Variants in CDC42BPG observed in about 807,000 individuals in gnomAD.
CDC42BPG encodes the protein CDC42 binding protein kinase gamma.
Under a neutral mutation model 192.2 loss-of-function variants are expected in CDC42BPG, and 157 were observed. The observed-to-expected ratio is 0.82, with a 90% CI of 0.72 to 0.93. The LOEUF (loss-of-function observed/expected upper bound fraction) is 0.93, where lower values mean the gene tolerates loss of function less well. CDC42BPG is among the 40% of genes least tolerant of loss of function. The pLI is 0.00. For missense variants in CDC42BPG, 1,992 were observed against 2,122.1 expected (o/e 0.94, Z 1.20); for synonymous variants, 981 against 918.5 (o/e 1.07, Z -1.23).
chr11:64,836,944 C>A lies in CDC42BPG; in HGVS notation c.1281G>T (p.Val427=). 6.2e-7 allele frequency: 1 copy of A among 1,613,558 alleles called. No individual in the cohort carries two copies. The highest frequency in any genetic ancestry group is 8.5e-7 in the Non-Finnish European group (1 of 1,179,964). The change falls in exon 10 of 37, where the codon GTG becomes GTT. Residue 427 remains valine (V), a synonymous_variant. Coordinates refer to ENST00000342711, the MANE Select transcript of CDC42BPG (RefSeq NM_017525.3). ...RKLQCLEQEK[V]ELSRKHQEAL... ...TACCTTGGTGCTTCCTGCTCAGCTC[C>A]ACCTTCTCCTGCTCCAGACACTGGA...
chr11:64,836,708 G>A (rs775785246), intron 11 of CDC42BPG, 31 bp downstream of exon 11: 1 of 695,692 alleles, frequency 1.4e-6, no homozygotes. Flanking sequence ...CTCAGCCCTG[G>A]GGGGGGGGGG....
At chr11:64,830,863 C>T (rs1298441806) in intron 28 of CDC42BPG, among the ~76,000 whole-genome samples, 1 of 152,224 alleles carries the variant, frequency 6.6e-6, no homozygotes, top group African/African-American at 2.4e-5. Flanking sequence ...ACAGCAGCTC[C>T]CCCAGTCCCC....
In CDC42BPG at chr11:64,835,830, G is replaced by C; in HGVS notation, c.1690C>G (p.Leu564Val). 6.2e-7 allele frequency: 1 copy of C among 1,612,488 alleles called. No individual in the cohort carries two copies. Among genetic ancestry groups the C allele is most frequent in the Non-Finnish European group, 8.5e-7 (1 of 1,179,744 alleles). Residue 564 changes from leucine to valine, a missense_variant, in exon 14 of 37, where the codon CTG becomes GTG. Leu to Val is a conservative substitution (Grantham distance 32). Around this residue, in one of 2 missense-constraint regions of CDC42BPG, gnomAD observed 1,656 missense variants for 1,844.3 expected, o/e 0.90. Coordinates refer to ENST00000342711, the MANE Select transcript of CDC42BPG (RefSeq NM_017525.3). ...QRELEAQVSS[L>V]SRQVTQLQGQ... is the part of the protein sequence containing the mutation. ...TGCAGCTGCGTCACCTGCCGGCTCAGGGAGGACACCTGGGCCTCCAGCTGT... is the reference window on the plus strand; with the variant it reads ...TGCAGCTGCGTCACCTGCCGGCTCACGGAGGACACCTGGGCCTCCAGCTGT...
Position 64,833,214 on chromosome 11 carries a change from T to C in CDC42BPG, c.2731+17A>G, listed in dbSNP as rs960868629. On this transcript the variant is annotated intron_variant, in intron 24 of 36. Coordinates refer to ENST00000342711, the MANE Select transcript of CDC42BPG (RefSeq NM_017525.3). ...ACCTGGGACCGTGGCTGGAGCATAG[T>C]GGGTGGGGACTCTCACCATCACAAC... The C allele has an allele frequency of 1.3e-6, 2 of 1,525,076 alleles. No individual in the cohort carries two copies. The highest frequency in any genetic ancestry group is 1.4e-5 in the African/African-American group (1 of 72,566). The allele number at this position is 1,525,076 out of a possible 1,614,324, so 94.5% of individuals were successfully genotyped here. A position where few individuals can be genotyped will look rare whatever the true frequency, so the allele number is the denominator to read the frequency against.
chr11:64,829,232 A>AG (rs1328773373), intron 30 of CDC42BPG, among the ~76,000 whole-genome samples: 2 of 152,194 alleles, frequency 1.3e-5, no homozygotes, highest in African/African-American at 2.4e-5. Context: ...AGAAAAAAAA[A>AG]GTTTGCTAGA....
rs746932297 is a variant in CDC42BPG, at chr11:64,834,490, C to T, written c.2263G>A (p.Ala755Thr). ...LQSALEAEIR[A>T]KQGLQERLTQ... ...AGCCGCTCCTGCAGGCCCTGCTTGG[C>T]GCGGATCTCGGCCTCCAGCGCTGAC... The change falls in exon 19 of 37, where the codon GCC becomes ACC. Residue 755 changes from alanine (A) to threonine (T), a missense_variant. By Grantham distance (58) the Ala-to-Thr change is moderately conservative. Transcript: ENST00000342711. The T allele has an allele frequency of 9.5e-6, 15 of 1,573,152 alleles. No individual in the cohort carries two copies. Among genetic ancestry groups the T allele is most frequent in the Middle Eastern group, 1.7e-4 (1 of 5,770 alleles).
At chr11:64,831,098 A>C (rs770084839) in intron 28 of CDC42BPG, among the ~76,000 whole-genome samples, 1 of 152,148 alleles carries the variant, frequency 6.6e-6, no homozygotes, top group Non-Finnish European at 1.5e-5. Flanking sequence ...CATGCCTGCA[A>C]TCCCAGCTAC....
Position 64,835,823 on chromosome 11 carries a change from C to A in CDC42BPG, c.1697G>T (p.Arg566Leu), listed in dbSNP as rs542288032. The change falls in exon 14 of 37, where the codon CGG becomes CTG. Residue 566 changes from arginine to leucine, a missense_variant. Physicochemically the swap from Arg to Leu is moderately radical, Grantham distance 102 (BLOSUM62 -2). Coordinates refer to ENST00000342711, the MANE Select transcript of CDC42BPG (RefSeq NM_017525.3). ...ELEAQVSSLS[R>L]QVTQLQGQWE... is the part of the protein sequence containing the mutation. ...CTGTCCCTGCAGCTGCGTCACCTGC[C>A]GGCTCAGGGAGGACACCTGGGCCTC... The A allele has an allele frequency of 8.1e-6, 13 of 1,612,732 alleles. No individual in the cohort carries two copies. In the African/African-American group the frequency reaches 1.6e-4, roughly 20 times the overall value.
chr11:64,831,886 G>A (rs902273161), intron 27 of CDC42BPG, among the ~76,000 whole-genome samples, 165 bp from the exon 28 acceptor site: 24 of 152,238 alleles, frequency 1.6e-4, no homozygotes, highest in Non-Finnish European at 2.9e-5. Flanking sequence ...TGCGACCAGC[G>A]CCATAATGGG....
rs1942818559 is a variant in CDC42BPG, at chr11:64,833,649, G to A, written c.2576C>T (p.Pro859Leu). 3 of 1,612,242 alleles carry A rather than the reference G, an allele frequency of 1.9e-6. No individual in the cohort carries two copies. Among genetic ancestry groups the A allele is most frequent in the Admixed American group, 1.7e-5 (1 of 59,794 alleles). The change falls in exon 23 of 37, where the codon CCC becomes CTC. Residue 859 changes from proline to leucine, a missense_variant. By Grantham distance (98) the Pro-to-Leu change is moderately conservative (BLOSUM62 -3). Transcript: ENST00000342711. ...RRSLRMGAVFPRAPTANTAST... is the reference protein window; with the variant it reads ...RRSLRMGAVFLRAPTANTAST... ...GGCTGTGTTGGCAGTGGGTGCTCTG[G>A]GGAACACAGCCTGCAGGAGGGCGGG...
intron 28 of CDC42BPG, 105 bp downstream of exon 28, chr11:64,831,400 G>A (rs1418091431): frequency 4.7e-6 from 5 of 1,068,530 alleles, no homozygotes; most frequent in Admixed American, 4.2e-5. Flanking sequence ...TCTGTGTCTC[G>A]TGGCTGCAGG....
chr11:64,833,169 T>A (rs1451398961), intron 24 of CDC42BPG, 62 bp downstream of exon 24: 2 of 1,361,172 alleles, frequency 1.5e-6, no homozygotes, highest in Non-Finnish European at 2.0e-6. Context: ...AGAAACAGCC[T>A]GGGTATGCCA....
At chr11:64,830,426 CA>C (rs1942631934) in intron 28 of CDC42BPG, 170 bp from the exon 29 acceptor site, 1 of 674,182 alleles carries the variant, frequency 1.5e-6, no homozygotes, top group South Asian at 1.7e-5. Flanking sequence ...CAGGCTTTTC[CA>C]GAGGGGTTGG....
chr11:64,835,283 CCTCAACTGG>C, intron 16 of CDC42BPG, 55 bp downstream of exon 16: 1 of 1,611,364 alleles, frequency 6.2e-7, no homozygotes, highest in South Asian at 1.1e-5. Context: ...CTTGCCCACC[CCTCAACTGG>C]CTCCCCATTG....
At chr11:64,836,718 G>GGGGGGGGT in intron 11 of CDC42BPG, 21 bp downstream of exon 11, 1 of 849,756 alleles carries the variant, frequency 1.2e-6, no homozygotes, top group Non-Finnish European at 1.7e-6. Context: ...GGGGGGGGGG[G>GGGGGGGGT]GGGGTGGGCG....
chr11:64,823,235 C>A lies in CDC42BPG; in HGVS notation c.*1238G>T, dbSNP rs926904210. On this transcript the variant is annotated 3_prime_UTR_variant, in exon 37 of 37. Transcript: ENST00000342711. ...CCGAGTAGCAGGGACTACAGGCACCCGTCACCACGCCCGGCTAATTTTTTG... is the reference window on the plus strand; with the variant it reads ...CCGAGTAGCAGGGACTACAGGCACCAGTCACCACGCCCGGCTAATTTTTTG... Among the ~76,000 whole-genome samples, 1 of 152,030 alleles carries A rather than the reference C, an allele frequency of 6.6e-6. No homozygotes were observed. Among genetic ancestry groups the A allele is most frequent in the African/African-American group, 2.4e-5 (1 of 41,392 alleles).
chr11:64,844,044 C>T (rs1943395548), intron 1 of CDC42BPG, among the ~76,000 whole-genome samples: 1 of 152,130 alleles, frequency 6.6e-6, no homozygotes, highest in East Asian at 1.9e-4. Flanking sequence ...CAGTGGGTGA[C>T]ATGCATGAGG....
In CDC42BPG at chr11:64,829,645, C is replaced by A. The variant is rs573458556; in HGVS notation, c.3793G>T (p.Val1265Leu). The part of the protein sequence containing the change: ...AAPLALGAGL[V>L]PEELPPSRGG... ...CGGGATGGTGGCAGCTCCTCAGGCA[C>A]CAAACCGGCCCCCAGCGCCAACGGC... is the stretch of plus-strand genomic sequence containing the variant. Residue 1265 changes from valine (V) to leucine (L), a missense_variant, in exon 30 of 37, where the codon GTG (valine) becomes TTG (leucine). Val to Leu is a conservative substitution (Grantham distance 32). Coordinates refer to ENST00000342711, the MANE Select transcript of CDC42BPG (RefSeq NM_017525.3). 108 of 1,611,496 alleles carry A rather than the reference C, an allele frequency of 6.7e-5. No individual in the cohort carries two copies. Among genetic ancestry groups the A allele is most frequent in the South Asian group, 2.1e-4 (19 of 90,944 alleles).
At chr11:64,835,647 C>T (rs1260651210) in intron 14 of CDC42BPG, 26 bp from the exon 15 acceptor site, 1 of 1,576,206 alleles carries the variant, frequency 6.3e-7, no homozygotes, top group Non-Finnish European at 8.6e-7. Flanking sequence ...GGGGTCAGGG[C>T]AGAGACCCAA....
Sources: allele counts gnomAD v4.1 joint callset (sites outside exome capture counted in the v4.1 genomes callset), GRCh38; gene constraint gnomAD v4.1.1; regional missense constraint gnomAD v4.1.1; transcripts MANE v1.5; gene names NCBI Gene and HGNC (gene_info 2026-07-23, HGNC 2026-07-21).